Variants in NKAIN3 observed in about 807,000 individuals in gnomAD.
NKAIN3 encodes sodium/potassium transporting ATPase interacting 3, also known as sodium/potassium-transporting ATPase subunit beta-1-interacting protein 3.
A neutral mutation model predicts 30.2 loss-of-function variants in NKAIN3; 25 were observed. That is an observed-to-expected ratio of 0.83 (90% CI 0.60 to 1.16). The LOEUF (loss-of-function observed/expected upper bound fraction) is 1.16, where lower values mean the gene tolerates loss of function less well. NKAIN3 is among the 50% of genes most tolerant of loss of function. The pLI is 0.00. For missense variants in NKAIN3, 225 were observed against 254.1 expected (o/e 0.89, Z 0.78); for synonymous variants, 91 against 89.6 (o/e 1.02, Z -0.09).
At chr8:62,835,413 A>C (rs1285680851) in intron 4 of NKAIN3, among the ~76,000 whole-genome samples, 2 of 152,164 alleles carry the variant, frequency 1.3e-5, no homozygotes, top group Non-Finnish European at 2.9e-5. Flanking sequence ...AATATTAGCA[A>C]ACTATGCATT....
downstream of NKAIN3, among the ~76,000 whole-genome samples, chr8:62,986,604 A>G (rs1585646692): frequency 1.3e-5 from 2 of 152,250 alleles, no homozygotes; most frequent in South Asian, 2.1e-4. Context: ...ACTAGTATAT[A>G]TTATTTTTCT....
intron 6 of NKAIN3, among the ~76,000 whole-genome samples, chr8:62,959,433 G>GGTGTGTGT (rs35737951): frequency 0.23 from 32,274 of 143,038 alleles, 3,862 homozygotes; most frequent in South Asian, 0.29. Context: ...GACAAATCAG[G>GGTGTGTGT]GTGTGTGTGT....
chr8:62,821,985 T>C (rs962155310), intron 4 of NKAIN3, among the ~76,000 whole-genome samples: 2 of 152,078 alleles, frequency 1.3e-5, no homozygotes, highest in African/African-American at 4.8e-5. Flanking sequence ...AAAGCCTTTA[T>C]AGAGGGTGAT....
At position 62,248,855 on chromosome 8, in the gene NKAIN3, C is replaced by T. The variant is rs997896863; in HGVS notation, c.-219C>T. 1.9e-5 allele frequency: 10 copies of T among 516,278 alleles called. No homozygotes were observed. Among genetic ancestry groups the T allele is most frequent in the Non-Finnish European group, 2.7e-5 (8 of 296,900 alleles). The allele number at this position is 516,278 out of a possible 1,614,324, so 32.0% of individuals were successfully genotyped here. On this transcript the variant is annotated 5_prime_UTR_variant, in exon 1 of 7. Coordinates refer to ENST00000623646, the MANE Select transcript of NKAIN3 (RefSeq NM_001304533.3). The stretch of plus-strand genomic sequence containing the variant: ...GCACAGTGGGACGCAGGGACCCCCG[C>T]CAGACGCTCGGGTCGTGCGCACCGC...
At chr8:62,761,854 G>C (rs1243233790) in intron 4 of NKAIN3, among the ~76,000 whole-genome samples, 2 of 152,184 alleles carry the variant, frequency 1.3e-5, no homozygotes, top group Non-Finnish European at 2.9e-5. Flanking sequence ...TTAAGACAGA[G>C]TTTATATTGA....
At chr8:62,891,600 G>C (rs572375537) in intron 4 of NKAIN3, among the ~76,000 whole-genome samples, 1 of 152,070 alleles carries the variant, frequency 6.6e-6, no homozygotes, top group African/African-American at 2.4e-5. Flanking sequence ...GTGTCGCTGC[G>C]TGGTGGAAAA....
intron 5 of NKAIN3, among the ~76,000 whole-genome samples, chr8:62,939,951 A>T (rs185398457): frequency 4.6e-5 from 7 of 152,290 alleles, no homozygotes; most frequent in Admixed American, 3.9e-4. Flanking sequence ...GCTCCACTTA[A>T]AAGATACAGA....
chr8:62,708,189 T>A (rs1227357886), intron 3 of NKAIN3, among the ~76,000 whole-genome samples: 1 of 152,094 alleles, frequency 6.6e-6, no homozygotes, highest in African/African-American at 2.4e-5. Context: ...TTTTGCTTAG[T>A]CTTGCTTTGG....
At chr8:62,605,887 A>G (rs533204565) in intron 3 of NKAIN3, among the ~76,000 whole-genome samples, 11 of 152,122 alleles carry the variant, frequency 7.2e-5, no homozygotes, top group Non-Finnish European at 1.6e-4. Flanking sequence ...AGTATTCACA[A>G]TAAAATGTAG....
At chr8:62,286,595 G>A (rs571300141) in intron 1 of NKAIN3, among the ~76,000 whole-genome samples, 1 of 152,080 alleles carries the variant, frequency 6.6e-6, no homozygotes, top group East Asian at 1.9e-4. Flanking sequence ...TAGTATTCTT[G>A]GCCAGTTTCC....
chr8:62,514,276 A>G (rs1451812230), intron 1 of NKAIN3, among the ~76,000 whole-genome samples: 3 of 151,932 alleles, frequency 2.0e-5, no homozygotes, highest in Admixed American at 2.0e-4. Flanking sequence ...CGTTTTTTTT[A>G]ATGTTTTTAG....
intron 4 of NKAIN3, among the ~76,000 whole-genome samples, chr8:62,882,385 C>A (rs1330125110): frequency 1.3e-5 from 2 of 152,092 alleles, no homozygotes; most frequent in Non-Finnish European, 2.9e-5. Context: ...ATGACGCGAT[C>A]TCTGCTCAAT....
chr8:62,504,315 A>T (rs989948728), intron 1 of NKAIN3, among the ~76,000 whole-genome samples: 4 of 152,238 alleles, frequency 2.6e-5, no homozygotes, highest in African/African-American at 9.6e-5. Flanking sequence ...TTGCAGAATA[A>T]CTATGAATAT....
intron 1 of NKAIN3, among the ~76,000 whole-genome samples, chr8:62,457,055 C>T (rs558770772): frequency 1.4e-4 from 22 of 152,278 alleles, no homozygotes; most frequent in African/African-American, 4.3e-4. Context: ...TCTCCAGTGC[C>T]TGGCATGTAG....
intron 4 of NKAIN3, among the ~76,000 whole-genome samples, chr8:62,875,098 C>G (rs1261320275): frequency 6.6e-6 from 1 of 152,038 alleles, no homozygotes; most frequent in African/African-American, 2.4e-5. Context: ...CTCAAACACT[C>G]CTTGAACTGA....
At chr8:62,483,758 C>A in intron 1 of NKAIN3, 1 of 289,226 alleles carries the variant, frequency 3.5e-6, no homozygotes. Context: ...GCTTTCATTC[C>A]GCATTTGCAG....
chr8:62,861,498 G>C (rs1820237684), intron 4 of NKAIN3, among the ~76,000 whole-genome samples: 1 of 152,152 alleles, frequency 6.6e-6, no homozygotes, highest in Admixed American at 6.5e-5. Context: ...GGCTAGCCCT[G>C]GTGCTTTTAT....
intron 4 of NKAIN3, among the ~76,000 whole-genome samples, chr8:62,916,021 A>G (rs1822089834): frequency 6.6e-6 from 1 of 152,230 alleles, no homozygotes; most frequent in Non-Finnish European, 1.5e-5. Context: ...TTTTCTTGGC[A>G]TGTATCTTTA....
Position 62,692,087 on chromosome 8 carries a change from C to T in NKAIN3, c.274-54845C>T, listed in dbSNP as rs562958863. On this transcript the variant is annotated intron_variant, in intron 3 of 6. Transcript: ENST00000623646. ...GGCCATCCTGGGCTTTTTGTCCAGT[C>T]ATGGCAGGTTCCGAGAGAGAAGGAT... Among the ~76,000 whole-genome samples, 7 of 152,266 alleles carry T rather than the reference C, an allele frequency of 4.6e-5. No homozygotes were observed. The South Asian group carries it at 1.2e-3, about 27-fold the overall frequency.
Sources: allele counts gnomAD v4.1 joint callset (sites outside exome capture counted in the v4.1 genomes callset), GRCh38; gene constraint gnomAD v4.1.1; transcripts MANE v1.5; gene names NCBI Gene and HGNC (gene_info 2026-07-23, HGNC 2026-07-21).